Variants in FBXL5 observed in about 807,000 individuals in gnomAD.
FBXL5 encodes the protein F-box and leucine rich repeat protein 5.
In FBXL5, 26 loss-of-function variants were observed where a neutral mutation model predicts 78.3. The ratio of observed to expected loss-of-function variants is 0.33; its 90% CI spans 0.24 to 0.46. FBXL5 has a LOEUF of 0.46. Ranked by LOEUF, FBXL5 falls within the 20% of genes least tolerant of loss-of-function variation. FBXL5 has a pLI of 1.00. For missense variants in FBXL5, 710 were observed against 829.2 expected, an observed-to-expected ratio of 0.86 and a Z score of 1.77; for synonymous variants, 295 against 282.5, an observed-to-expected ratio of 1.04 and a Z score of -0.45.
At chr4:15,676,549 A>G (rs557491903) in intron 1 of FBXL5, among the ~76,000 whole-genome samples, 1 of 152,368 alleles carries the variant, frequency 6.6e-6, no homozygotes, top group South Asian at 2.1e-4. Context: ...AACAAGTGTA[A>G]AAAACATTTT....
At chr4:15,638,153 C>G (rs547616069) in intron 4 of FBXL5, among the ~76,000 whole-genome samples, 4 of 152,148 alleles carry the variant, frequency 2.6e-5, no homozygotes, top group Non-Finnish European at 4.4e-5. Context: ...AGGATGATAT[C>G]GCAAAAGTGC....
intron 9 of FBXL5, among the ~76,000 whole-genome samples, chr4:15,617,157 T>C (rs1408797584): frequency 6.6e-6 from 1 of 152,168 alleles, no homozygotes; most frequent in African/African-American, 2.4e-5. Context: ...TATAAAGACA[T>C]ATGCATGCCT....
intron 1 of FBXL5, among the ~76,000 whole-genome samples, chr4:15,673,382 A>C (rs899004575): frequency 3.5e-4 from 54 of 152,260 alleles, no homozygotes; most frequent in Non-Finnish European, 6.5e-4. Flanking sequence ...TCGAGGCTGC[A>C]GTGAGCCAAG....
intron 2 of FBXL5, among the ~76,000 whole-genome samples, chr4:15,642,483 G>A (rs1010581511): frequency 6.6e-6 from 1 of 151,928 alleles, no homozygotes; most frequent in African/African-American, 2.4e-5. Context: ...TGATCTGCCC[G>A]CCTCAGCCTC....
upstream of FBXL5, among the ~76,000 whole-genome samples, chr4:15,659,233 T>C (rs1439335963): frequency 6.6e-6 from 1 of 152,222 alleles, no homozygotes; most frequent in African/African-American, 2.4e-5. Context: ...GCATACATAG[T>C]AGGCATAAAA....
chr4:15,655,966 G>C (rs1716891144), upstream of FBXL5, among the ~76,000 whole-genome samples: 2 of 152,218 alleles, frequency 1.3e-5, no homozygotes, highest in East Asian at 3.9e-4. Flanking sequence ...CAGCGGGCGC[G>C]GGGCCTGGGT....
In FBXL5 at chr4:15,636,732, AAATTAC is replaced by A. The variant is rs1418901381; in HGVS notation, c.584-62_584-57del. 9 of 1,268,438 alleles carry A rather than the reference AAATTAC, an allele frequency of 7.1e-6. No individual in the cohort carries two copies. In the Admixed American group the frequency reaches 2.2e-4, roughly 32 times the overall value. The allele number at this position is 1,268,438 out of a possible 1,614,324, so 78.6% of individuals were successfully genotyped here. On this transcript the variant is annotated intron_variant, in intron 4 of 10. Coordinates refer to ENST00000341285, the MANE Select transcript of FBXL5 (RefSeq NM_012161.4). Reference sequence around the variant, plus strand: ...AAGGCTAAAGAGCATATGCAATAAGAAATTACAATTACATTTCTATAAACAAAATCC... The same window carrying A: ...AAGGCTAAAGAGCATATGCAATAAGAAATTACATTTCTATAAACAAAATCC...
chr4:15,642,298 T>C (rs997835485), intron 2 of FBXL5, among the ~76,000 whole-genome samples: 1 of 151,728 alleles, frequency 6.6e-6, no homozygotes, highest in Non-Finnish European at 1.5e-5. Context: ...TGGAATGCAG[T>C]GGTGCAATCT....
intron 1 of FBXL5, among the ~76,000 whole-genome samples, chr4:15,652,798 C>A (rs951494660): frequency 6.6e-6 from 1 of 152,084 alleles, no homozygotes; most frequent in Non-Finnish European, 1.5e-5. Flanking sequence ...GCATTCAGAG[C>A]CCAAATTTGT....
upstream of FBXL5, among the ~76,000 whole-genome samples, chr4:15,663,273 T>A (rs1717397071): frequency 6.6e-6 from 1 of 152,208 alleles, no homozygotes; most frequent in African/African-American, 2.4e-5. Context: ...AGTACTCCAC[T>A]GCATGGGACA....
chr4:15,654,927 C>T (rs1363935802), intron 1 of FBXL5, among the ~76,000 whole-genome samples: 3 of 151,966 alleles, frequency 2.0e-5, no homozygotes, highest in Non-Finnish European at 4.4e-5. Flanking sequence ...CGGCCAGTGA[C>T]GCCGGTAGCG....
intron 5 of FBXL5, among the ~76,000 whole-genome samples, chr4:15,632,982 T>C (rs918445455): frequency 2.6e-5 from 4 of 152,202 alleles, no homozygotes; most frequent in African/African-American, 9.6e-5. Flanking sequence ...TTGTCTTGTG[T>C]CAGTTTTCAA....
chr4:15,664,153 T>C (rs958741074), upstream of FBXL5, among the ~76,000 whole-genome samples: 5 of 152,200 alleles, frequency 3.3e-5, no homozygotes, highest in Admixed American at 2.6e-4. Flanking sequence ...TTTGGAGTTA[T>C]CTTAAAAGCT....
intron 9 of FBXL5, among the ~76,000 whole-genome samples, chr4:15,618,271 G>A (rs922838329): frequency 4.6e-5 from 7 of 152,294 alleles, no homozygotes; most frequent in African/African-American, 1.7e-4. Context: ...GTGCATGCCT[G>A]TATTCCCAAC....
At chr4:15,611,087 TATG>T (rs2148519983) in intron 10 of FBXL5, among the ~76,000 whole-genome samples, 1 of 152,170 alleles carries the variant, frequency 6.6e-6, no homozygotes, top group Non-Finnish European at 1.5e-5. Flanking sequence ...TTTCACCAAC[TATG>T]ATGACATTCA....
At chr4:15,680,757 T>C (rs939586067) in intron 1 of FBXL5, among the ~76,000 whole-genome samples, 2 of 151,928 alleles carry the variant, frequency 1.3e-5, no homozygotes, top group Non-Finnish European at 2.9e-5. Context: ...AGTAAGTAGC[T>C]TGAGAAAGAG....
intron 1 of FBXL5, among the ~76,000 whole-genome samples, chr4:15,648,794 T>A (rs759451886): frequency 1.8e-4 from 27 of 152,288 alleles, no homozygotes; most frequent in Non-Finnish European, 3.4e-4. Context: ...TAAGGTACAG[T>A]ATGGTGACTA....
In FBXL5 at chr4:15,674,839, C is replaced by T. The variant is rs182549269; in HGVS notation, c.-284+6544G>A. On this transcript the variant is annotated intron_variant, in intron 1 of 4. Coordinates refer to the FBXL5 transcript ENST00000507899. The stretch of plus-strand genomic sequence containing the variant: ...TAATTTTTTGTGTTTTTAGTAGAGA[C>T]GGGGTTTCACCGTGTTAGCCAGGAT... Among the ~76,000 whole-genome samples the T allele has an allele frequency of 7.2e-5, 11 of 152,118 alleles. No homozygotes were observed. In the East Asian group the frequency reaches 7.7e-4, roughly 11 times the overall value.
chr4:15,618,838 T>TA lies in FBXL5; in HGVS notation c.1850+6413dup, dbSNP rs957745135. Among the ~76,000 whole-genome samples the TA allele has an allele frequency of 4.3e-3, 646 of 151,906 alleles. 3 individuals carry two copies. Among genetic ancestry groups the TA allele is most frequent in the African/African-American group, 0.014 (597 of 41,392 alleles). On this transcript the variant is annotated intron_variant, in intron 9 of 10. Transcript: ENST00000341285. ...GGACGACAGAGCAAGACTCCGTCTC[T>TA]AAAAAAAAGAAGAATTAACATCAAC...
Sources: gnomAD v4.1 joint callset for allele counts (sites outside exome capture counted in the v4.1 genomes callset) on GRCh38, gnomAD v4.1.1 for gene constraint, MANE v1.5 for transcripts, NCBI Gene and HGNC (gene_info 2026-07-23, HGNC 2026-07-21) for gene names.